The following DIAPH3 variants were observed in gnomAD, a reference collection of about 807,000 sequenced individuals.
DIAPH3 encodes the protein diaphanous related formin 3.
A neutral mutation model predicts 144.3 loss-of-function variants in DIAPH3; 117 were observed. The observed-to-expected ratio is 0.81, with a 90% CI of 0.70 to 0.95. The LOEUF (loss-of-function observed/expected upper bound fraction) is 0.95, where lower values mean the gene tolerates loss of function less well. DIAPH3 is among the 40% of genes least tolerant of loss of function. The pLI, the probability that DIAPH3 is intolerant of heterozygous loss-of-function variation, is 0.00. For missense variants in DIAPH3, 1,421 were observed against 1,412.7 expected (o/e 1.01, Z -0.09); for synonymous variants, 519 against 488.9 (o/e 1.06, Z -0.81).
In DIAPH3 at chr13:59,992,170, T is replaced by G. The variant is rs2051864611; in HGVS notation, c.1142A>C (p.Lys381Thr). 4 of 1,609,388 alleles carry G rather than the reference T, an allele frequency of 2.5e-6. No homozygotes were observed. The highest frequency in any genetic ancestry group is 3.4e-6 in the Non-Finnish European group (4 of 1,176,638). Residue 381 changes from lysine (K) to threonine (T), a missense_variant, in exon 11 of 28, where the codon AAG (lysine) becomes ACG (threonine). By Grantham distance (78) the Lys-to-Thr change is moderately conservative. Coordinates refer to ENST00000400324, the MANE Select transcript of DIAPH3 (RefSeq NM_001042517.2). ...KEILPNLKCI[K>T]NDGLDIQLKV... ...AAGTTGGATATCCAGGCCATCATTC[T>G]TAATGCATTTTAAATTCTAGAGATA...
At position 59,705,188 on chromosome 13, in the gene DIAPH3, G is replaced by A. The variant is rs185003384; in HGVS notation, c.3320-38342C>T. 4.2e-3 allele frequency among the ~76,000 whole-genome samples: 633 copies of A among 150,322 alleles called. 22 individuals are homozygous for A. In the East Asian group the frequency reaches 0.069, roughly 16 times the overall value. On this transcript the variant is annotated intron_variant, in intron 27 of 27. Coordinates refer to ENST00000400324, the MANE Select transcript of DIAPH3 (RefSeq NM_001042517.2). ...AGTCCTCACTCCAAAGAAACAGACC[G>A]GCAAAAAAAAATAGGGATTAAAAAC...
chr13:59,992,502 TA>T lies in DIAPH3; in HGVS notation c.1095del (p.Phe365LeufsTer6), dbSNP rs1012576798. On this transcript the variant is annotated frameshift_variant, in exon 10 of 28. Coordinates refer to ENST00000400324, the MANE Select transcript of DIAPH3 (RefSeq NM_001042517.2). LOFTEE classifies it high-confidence loss of function. Reference sequence around the variant, plus strand: ...AATATCTCTTTCAATCCACAACGCATAAATTCATTTCTGATGTGAAGCCTGA... The same window carrying T: ...AATATCTCTTTCAATCCACAACGCATAATTCATTTCTGATGTGAAGCCTGA... ...LDFRLHIRNE[F>X]MRCGLKEILP... The T allele has an allele frequency of 1.9e-6, 3 of 1,611,942 alleles. No individual in the cohort carries two copies. Among genetic ancestry groups the T allele is most frequent in the Non-Finnish European group, 2.5e-6 (3 of 1,179,058 alleles).
At chr13:59,956,691 T>A (rs536711008) in intron 17 of DIAPH3, among the ~76,000 whole-genome samples, 1 of 152,158 alleles carries the variant, frequency 6.6e-6, no homozygotes, top group African/African-American at 2.4e-5. Context: ...TGTCCTCCAG[T>A]CCCCAGAATG....
Position 60,114,272 on chromosome 13 carries a change from G to GAA in DIAPH3, c.214-2088_214-2087dup, listed in dbSNP as rs200853127. Reference sequence around the variant, plus strand: ...TTTCAGCAGCAAAGTCACAGATTAAGAAAAAAAAAAACACGGATGAATTAG... The same window carrying GAA: ...TTTCAGCAGCAAAGTCACAGATTAAGAAAAAAAAAAAAACACGGATGAATTAG... On this transcript the variant is annotated intron_variant, in intron 2 of 27. Coordinates refer to ENST00000400324, the MANE Select transcript of DIAPH3 (RefSeq NM_001042517.2). Among the ~76,000 whole-genome samples, 65 of 140,742 alleles carry GAA rather than the reference G, an allele frequency of 4.6e-4. 1 individual carries two copies. Among genetic ancestry groups the GAA allele is most frequent in the Admixed American group, 1.4e-3 (20 of 14,026 alleles). The allele number at this position is 140,742 out of a possible 152,430, so 92.3% of individuals were successfully genotyped here. A position where few individuals can be genotyped will look rare whatever the true frequency, so the allele number is the denominator to read the frequency against.
At chr13:59,999,244 CACTT>C (rs2052385499) in intron 9 of DIAPH3, among the ~76,000 whole-genome samples, 1 of 152,102 alleles carries the variant, frequency 6.6e-6, no homozygotes. Context: ...GATTATCCCT[CACTT>C]AAGAAAGGTT....
chr13:59,707,394 T>C (rs1303669407), intron 27 of DIAPH3, among the ~76,000 whole-genome samples: 1 of 152,150 alleles, frequency 6.6e-6, no homozygotes, highest in African/African-American at 2.4e-5. Flanking sequence ...TCAAGTTAAA[T>C]GTGAAAGCTC....
intron 23 of DIAPH3, among the ~76,000 whole-genome samples, chr13:59,834,994 A>T (rs144620958): frequency 3.5e-4 from 53 of 151,660 alleles, no homozygotes; most frequent in African/African-American, 1.2e-3. Flanking sequence ...TTGGAATTCT[A>T]CTCCTGGTAT....
intron 4 of DIAPH3, among the ~76,000 whole-genome samples, chr13:60,059,655 A>C (rs1365684528): frequency 6.6e-6 from 1 of 151,922 alleles, no homozygotes; most frequent in Non-Finnish European, 1.5e-5. Flanking sequence ...CTAAAAAACA[A>C]ATTGTGATTT....
chr13:59,880,978 CAAAAAA>C (rs77481523), intron 20 of DIAPH3, among the ~76,000 whole-genome samples: 1 of 64,820 alleles, frequency 1.5e-5, no homozygotes, highest in African/African-American at 5.9e-5. Flanking sequence ...CAACAAGGAC[CAAAAAA>C]AAAAAAAAAA....
intron 27 of DIAPH3, among the ~76,000 whole-genome samples, chr13:59,753,440 T>C (rs1232226355): frequency 1.3e-5 from 2 of 152,204 alleles, no homozygotes; most frequent in African/African-American, 4.8e-5. Context: ...CTGAGTTTTT[T>C]GGGACTCAAA....
chr13:60,144,411 TA>T (rs1951410026), intron 1 of DIAPH3, among the ~76,000 whole-genome samples: 1 of 152,152 alleles, frequency 6.6e-6, no homozygotes, highest in Admixed American at 6.5e-5. Context: ...TCCCCACATG[TA>T]AACAAGGTAG....
At chr13:59,710,054 A>G (rs925419904) in intron 27 of DIAPH3, among the ~76,000 whole-genome samples, 1 of 151,470 alleles carries the variant, frequency 6.6e-6, no homozygotes, top group Admixed American at 6.6e-5. Context: ...ATGAGAACAC[A>G]TGGACACAGG....
chr13:59,843,921 AG>A (rs1443610079), intron 22 of DIAPH3, among the ~76,000 whole-genome samples: 1 of 152,068 alleles, frequency 6.6e-6, no homozygotes, highest in African/African-American at 2.4e-5. Context: ...GGACACAGGG[AG>A]GGGAACAACA....
intron 5 of DIAPH3, among the ~76,000 whole-genome samples, chr13:60,021,620 G>A (rs1425036234): frequency 6.8e-6 from 1 of 147,690 alleles, no homozygotes; most frequent in Non-Finnish European, 1.5e-5. Context: ...GTGCAAGATG[G>A]TTGCCCACTG....
chr13:59,992,029 T>C, intron 11 of DIAPH3, 39 bp downstream of exon 11: 1 of 1,530,158 alleles, frequency 6.5e-7, no homozygotes, highest in Non-Finnish European at 9.1e-7. Context: ...AGCAATAATT[T>C]TATATATGAT....
intron 9 of DIAPH3, among the ~76,000 whole-genome samples, chr13:59,997,021 G>C (rs1418917428): frequency 1.3e-5 from 2 of 152,066 alleles, no homozygotes; most frequent in Admixed American, 6.6e-5. Context: ...TATTGTACAT[G>C]AGAAATCTTG....
intron 5 of DIAPH3, chr13:60,021,002 C>T (rs757728274): frequency 6.6e-6 from 1 of 152,186 alleles, no homozygotes; most frequent in Non-Finnish European, 1.5e-5. Flanking sequence ...GAGATAAAAC[C>T]AAACAGGTAA....
At chr13:59,883,016 A>G (rs1439960432) in intron 20 of DIAPH3, among the ~76,000 whole-genome samples, 1 of 152,156 alleles carries the variant, frequency 6.6e-6, no homozygotes, top group African/African-American at 2.4e-5. Flanking sequence ...GGGTAATTTT[A>G]TTTCAAAATT....
chr13:59,814,400 T>C (rs1472097406), intron 24 of DIAPH3, among the ~76,000 whole-genome samples: 3 of 152,228 alleles, frequency 2.0e-5, no homozygotes, highest in African/African-American at 7.2e-5. Flanking sequence ...ACATACCATA[T>C]TCTCATATTG....
Sources: allele counts gnomAD v4.1 joint callset (sites outside exome capture counted in the v4.1 genomes callset), GRCh38; gene constraint gnomAD v4.1.1; transcripts MANE v1.5; gene names NCBI Gene and HGNC (gene_info 2026-07-23, HGNC 2026-07-21).